SLC2A9: variants seen among roughly 807,000 people sequenced by gnomAD.
The protein encoded by SLC2A9 is solute carrier family 2 member 9.
SLC2A9 carries 39 observed loss-of-function variants against 50.6 expected under a neutral mutation model. That is an observed-to-expected ratio of 0.77 (90% CI 0.60 to 1.01). SLC2A9 has a LOEUF of 1.01. SLC2A9 is among the 50% of genes least tolerant of loss of function. The probability of loss-of-function intolerance (pLI) is 0.00; values close to 1 mark genes in which losing one functional copy is unlikely to be tolerated. For missense variants in SLC2A9, 686 were observed against 677.6 expected (o/e 1.01, Z -0.14); for synonymous variants, 324 against 276.9 (o/e 1.17, Z -1.69).
intron 1 of SLC2A9, among the ~76,000 whole-genome samples, chr4:9,772,641 A>G (rs1447759288): frequency 6.6e-6 from 1 of 152,168 alleles, no homozygotes; most frequent in African/African-American, 2.4e-5. Context: ...CTGACTGCAA[A>G]TTATTAACAA....
intron 5 of SLC2A9, among the ~76,000 whole-genome samples, chr4:9,970,214 G>A (rs1753669494): frequency 6.6e-6 from 1 of 152,190 alleles, no homozygotes; most frequent in South Asian, 2.1e-4. Flanking sequence ...ATGTTGAGAA[G>A]GAGCAGCATC....
chr4:10,005,608 T>A (rs182647892), intron 2 of SLC2A9, among the ~76,000 whole-genome samples: 1 of 152,378 alleles, frequency 6.6e-6, no homozygotes, highest in East Asian at 1.9e-4. Flanking sequence ...AAAATTGTTA[T>A]GAGTTGCTCC....
At chr4:10,036,996 C>T (rs1296875040) in intron 1 of SLC2A9, among the ~76,000 whole-genome samples, 1 of 152,208 alleles carries the variant, frequency 6.6e-6, no homozygotes, top group Non-Finnish European at 1.5e-5. Flanking sequence ...TGCTGCACAA[C>T]CTTGTTCAGA....
chr4:9,989,174 C>T (rs891753775), intron 3 of SLC2A9, among the ~76,000 whole-genome samples: 16 of 152,154 alleles, frequency 1.1e-4, no homozygotes, highest in African/African-American at 2.7e-4. Context: ...TATTTATATG[C>T]CCATCCACCC....
At chr4:9,831,144 T>C (rs1474623891) in intron 11 of SLC2A9, among the ~76,000 whole-genome samples, 1 of 152,116 alleles carries the variant, frequency 6.6e-6, no homozygotes, top group Non-Finnish European at 1.5e-5. Flanking sequence ...CCACTGATAC[T>C]TATTGGAATA....
chr4:10,030,160 T>C (rs959419644), intron 1 of SLC2A9, among the ~76,000 whole-genome samples: 3 of 152,208 alleles, frequency 2.0e-5, no homozygotes, highest in Non-Finnish European at 4.4e-5. Context: ...TACAGTATGA[T>C]GAGCATAGTT....
intron 2 of SLC2A9, among the ~76,000 whole-genome samples, chr4:9,999,272 G>A (rs1033205363): frequency 4.6e-5 from 7 of 151,984 alleles, no homozygotes; most frequent in African/African-American, 1.7e-4. Flanking sequence ...TGTTCCCCAA[G>A]GCTGGTCTCA....
In SLC2A9 at chr4:9,834,901, G is replaced by T. The variant is rs779780913; in HGVS notation, c.1399C>A (p.Leu467Ile). 6.4e-5 allele frequency: 103 copies of T among 1,614,052 alleles called. No homozygotes were observed. Among genetic ancestry groups the T allele is most frequent in the Non-Finnish European group, 8.6e-5 (101 of 1,180,040 alleles). The change falls in exon 11 of 12, where the codon CTC (leucine) becomes ATC (isoleucine). Residue 467 changes from leucine (L) to isoleucine (I), a missense_variant. Transcript: ENST00000264784. ...VNWLSNFAVG[L>I]LFPFIQKSLD... is the part of the protein sequence containing the mutation. ...CATACCTGAATGAATGGGAAGAGGAGCCCAACAGCAAAGTTGGAGAGCCAG... is the reference window on the plus strand; with the variant it reads ...CATACCTGAATGAATGGGAAGAGGATCCCAACAGCAAAGTTGGAGAGCCAG...
Position 9,834,942 on chromosome 4 carries a change from A to G in SLC2A9, c.1358T>C (p.Ile453Thr). The change falls in exon 11 of 12, where the codon ATT becomes ACT. Residue 453 changes from isoleucine to threonine, a missense_variant. Ile to Thr is a moderately conservative substitution (Grantham distance 89). Coordinates refer to ENST00000264784, the MANE Select transcript of SLC2A9 (RefSeq NM_020041.3). ...GGAGAGCCAGTTGACGGTGCCTGCAATGATGAAGGCAGCCGGCCGCTGAGA... is the reference window on the plus strand; with the variant it reads ...GGAGAGCCAGTTGACGGTGCCTGCAGTGATGAAGGCAGCCGGCCGCTGAGA... ...QQSQRPAAFI[I>T]AGTVNWLSNF... 6.2e-7 allele frequency: 1 copy of G among 1,614,122 alleles called. No individual in the cohort carries two copies. The highest frequency in any genetic ancestry group is 8.5e-7 in the Non-Finnish European group (1 of 1,180,022).
intron 5 of SLC2A9, among the ~76,000 whole-genome samples, chr4:9,947,644 C>A (rs1749436944): frequency 6.6e-6 from 1 of 152,198 alleles, no homozygotes; most frequent in African/African-American, 2.4e-5. Flanking sequence ...GCAGGCCTTT[C>A]GTATGCAAAC....
At position 9,920,976 on chromosome 4, in the gene SLC2A9, C is replaced by T. The variant is rs558768556; in HGVS notation, c.815-404G>A. Reference sequence around the variant, plus strand: ...ATATCATATACATTCAACCATGGCTCGGAGCTTCCCACACTGGAGTTCGTT... The same window carrying T: ...ATATCATATACATTCAACCATGGCTTGGAGCTTCCCACACTGGAGTTCGTT... On this transcript the variant is annotated intron_variant, in intron 6 of 11. Transcript: ENST00000264784. 8.5e-5 allele frequency among the ~76,000 whole-genome samples: 13 copies of T among 152,206 alleles called. No homozygotes were observed. In the South Asian group the frequency reaches 1.9e-3, roughly 22 times the overall value.
At chr4:9,800,955 C>G (rs1251691540) in intron 3 of SLC2A9, among the ~76,000 whole-genome samples, 1 of 152,126 alleles carries the variant, frequency 6.6e-6, no homozygotes, top group Non-Finnish European at 1.5e-5. Flanking sequence ...AGGCGCAGTC[C>G]CTGGAGTTGG....
chr4:9,782,811 C>T, intron 3 of SLC2A9: 2 of 1,613,776 alleles, frequency 1.2e-6, no homozygotes, highest in African/African-American at 2.7e-5. Flanking sequence ...AGGATTTCCT[C>T]CCTGGAGAGG....
chr4:9,783,279 C>A, intron 3 of SLC2A9: 1 of 1,614,212 alleles, frequency 6.2e-7, no homozygotes, highest in Non-Finnish European at 8.5e-7. Flanking sequence ...ATGCCCAACG[C>A]CGTTACCCCC....
intron 10 of SLC2A9, among the ~76,000 whole-genome samples, chr4:9,849,244 G>A (rs767467280): frequency 3.9e-5 from 6 of 152,182 alleles, no homozygotes; most frequent in East Asian, 3.9e-4. Context: ...AAGTGTCCCC[G>A]ATGCAGAGTG....
rs113181369 is a variant in SLC2A9, at chr4:9,833,893, G to A, written c.1419+988C>T. On this transcript the variant is annotated intron_variant, in intron 11 of 11. Transcript: ENST00000264784. Reference sequence around the variant, plus strand: ...GGAGCCCTGGTGGGCATTTGAGCAGGGAAGCTTCATCCTCCTTCTGCAAAT... The same window carrying A: ...GGAGCCCTGGTGGGCATTTGAGCAGAGAAGCTTCATCCTCCTTCTGCAAAT... Among the ~76,000 whole-genome samples, 1,351 of 152,242 alleles carry A rather than the reference G, an allele frequency of 8.9e-3. 18 individuals are homozygous for A. The highest frequency in any genetic ancestry group is 0.031 in the African/African-American group (1,277 of 41,534).
At chr4:9,831,885 C>T (rs981776466) in intron 11 of SLC2A9, among the ~76,000 whole-genome samples, 1 of 152,216 alleles carries the variant, frequency 6.6e-6, no homozygotes, top group Non-Finnish European at 1.5e-5. Context: ...TCCACCCACT[C>T]CCTTCGGACC....
chr4:9,856,554 C>A (rs927983224), intron 10 of SLC2A9, among the ~76,000 whole-genome samples: 3 of 152,160 alleles, frequency 2.0e-5, no homozygotes, highest in African/African-American at 7.2e-5. Context: ...AGCAGTTTGG[C>A]AATTTCTCGA....
chr4:9,958,675 G>A (rs932030477), intron 5 of SLC2A9, among the ~76,000 whole-genome samples: 3 of 152,088 alleles, frequency 2.0e-5, no homozygotes, highest in South Asian at 2.1e-4. Context: ...ACAAGAAGAG[G>A]AGGACATAGG....
Sources: gnomAD v4.1 joint callset for allele counts (sites outside exome capture counted in the v4.1 genomes callset) on GRCh38, gnomAD v4.1.1 for gene constraint, MANE v1.5 for transcripts, NCBI Gene and HGNC (gene_info 2026-07-23, HGNC 2026-07-21) for gene names.